The following ZNF704 variants were observed in gnomAD, a reference collection of about 807,000 sequenced individuals.
The protein encoded by ZNF704 is zinc finger protein 704, also known as glucocorticoid induced gene 1.
ZNF704 carries 10 observed loss-of-function variants against 44.7 expected under a neutral mutation model. The observed-to-expected ratio is 0.22, with a 90% CI of 0.14 to 0.38. ZNF704 has a LOEUF of 0.38. ZNF704 is among the 10% of genes least tolerant of loss of function. The probability of loss-of-function intolerance (pLI) is 1.00; values close to 1 mark genes in which losing one functional copy is unlikely to be tolerated. For missense variants in ZNF704, 390 were observed against 545.5 expected, an observed-to-expected ratio of 0.71 and a Z score of 2.84; for synonymous variants, 211 against 207.6, an observed-to-expected ratio of 1.02 and a Z score of -0.14.
chr8:80,713,712 C>T (rs1351361273), intron 2 of ZNF704, among the ~76,000 whole-genome samples: 1 of 152,144 alleles, frequency 6.6e-6, no homozygotes, highest in African/African-American at 2.4e-5. Context: ...AGGGGAATCC[C>T]CTTAATCTAC....
chr8:80,677,884 G>T (rs1457184577), intron 4 of ZNF704, among the ~76,000 whole-genome samples: 3 of 152,196 alleles, frequency 2.0e-5, no homozygotes, highest in African/African-American at 7.2e-5. Flanking sequence ...TTGTCAAAAA[G>T]ATTTGTTCTG....
intron 2 of ZNF704, among the ~76,000 whole-genome samples, chr8:80,791,318 T>G (rs1338124063): frequency 6.6e-6 from 1 of 152,206 alleles, no homozygotes; most frequent in Non-Finnish European, 1.5e-5. Context: ...AGTGATAGTG[T>G]ATCACTAGCC....
chr8:80,647,922 C>A (rs1817858511), intron 7 of ZNF704, among the ~76,000 whole-genome samples: 1 of 152,128 alleles, frequency 6.6e-6, no homozygotes, highest in African/African-American at 2.4e-5. Flanking sequence ...GTACCTGAGA[C>A]TGGATGATTT....
At chr8:80,845,506 T>TACATGTCA (rs1204190333) in intron 1 of ZNF704, among the ~76,000 whole-genome samples, 1 of 152,348 alleles carries the variant, frequency 6.6e-6, no homozygotes, top group African/African-American at 2.4e-5. Context: ...AGAAATACTC[T>TACATGTCA]ACATGTCAAC....
At chr8:80,690,011 T>G (rs1351672253) in intron 3 of ZNF704, among the ~76,000 whole-genome samples, 1 of 151,964 alleles carries the variant, frequency 6.6e-6, no homozygotes, top group Non-Finnish European at 1.5e-5. Context: ...CACAACAGTT[T>G]CCAAAAACTC....
At chr8:80,787,499 CTGCATTTTAAACA>C (rs1000571206) in intron 2 of ZNF704, among the ~76,000 whole-genome samples, 4 of 152,276 alleles carry the variant, frequency 2.6e-5, no homozygotes, top group Admixed American at 2.0e-4. Flanking sequence ...TGGAGGGTAA[CTGCATTTTAAACA>C]TGCACCTATA....
At chr8:80,773,681 G>A (rs1323482524) in intron 2 of ZNF704, among the ~76,000 whole-genome samples, 1 of 152,104 alleles carries the variant, frequency 6.6e-6, no homozygotes, top group Non-Finnish European at 1.5e-5. Flanking sequence ...ATTACTGAAG[G>A]ATATTTTCTC....
At chr8:80,698,742 C>G (rs1305213643) in intron 2 of ZNF704, among the ~76,000 whole-genome samples, 1 of 152,198 alleles carries the variant, frequency 6.6e-6, no homozygotes, top group South Asian at 2.1e-4. Flanking sequence ...CAGCGCAGTG[C>G]GCAGCATCAG....
At chr8:80,789,554 C>T (rs1441985004) in intron 2 of ZNF704, among the ~76,000 whole-genome samples, 1 of 152,056 alleles carries the variant, frequency 6.6e-6, no homozygotes, top group Non-Finnish European at 1.5e-5. Flanking sequence ...TTGAGACTAG[C>T]CTGAGCAACA....
upstream of ZNF704, among the ~76,000 whole-genome samples, chr8:80,878,410 C>G (rs1217396388): frequency 6.6e-6 from 1 of 151,954 alleles, no homozygotes; most frequent in Non-Finnish European, 1.5e-5. Context: ...GTAACCATAG[C>G]CAGAACAAAA....
chr8:80,670,361 GC>G (rs775547292), intron 5 of ZNF704, 141 bp downstream of exon 5: 7 of 600,150 alleles, frequency 1.2e-5, no homozygotes, highest in Non-Finnish European at 2.1e-5. Context: ...ATCTGCAGTG[GC>G]CATCTCTCTA....
At chr8:80,837,812 C>T (rs1808607045) in intron 1 of ZNF704, among the ~76,000 whole-genome samples, 1 of 152,186 alleles carries the variant, frequency 6.6e-6, no homozygotes, top group Non-Finnish European at 1.5e-5. Flanking sequence ...TACTGATGGT[C>T]TGCCCATTCT....
intron 2 of ZNF704, among the ~76,000 whole-genome samples, chr8:80,779,056 T>C (rs1175822885): frequency 6.6e-6 from 1 of 152,114 alleles, no homozygotes; most frequent in Non-Finnish European, 1.5e-5. Context: ...TATGTATCTC[T>C]AACATCTTTC....
intron 2 of ZNF704, among the ~76,000 whole-genome samples, chr8:80,704,594 C>G (rs1818867538): frequency 6.6e-6 from 1 of 152,174 alleles, no homozygotes; most frequent in African/African-American, 2.4e-5. Context: ...ACCCCAACCT[C>G]TGGGGGTGGT....
chr8:80,828,888 G>T (rs1052516879), intron 1 of ZNF704, among the ~76,000 whole-genome samples: 9 of 152,176 alleles, frequency 5.9e-5, no homozygotes, highest in Non-Finnish European at 1.0e-4. Flanking sequence ...CACTTGGCTG[G>T]CATGGATCTT....
intron 2 of ZNF704, among the ~76,000 whole-genome samples, chr8:80,714,497 G>T (rs1819041362): frequency 6.6e-6 from 1 of 152,066 alleles, no homozygotes; most frequent in Admixed American, 6.5e-5. Context: ...CCAAGGCTCT[G>T]AGGTGGTATT....
chr8:80,770,208 T>A (rs530294755), intron 2 of ZNF704, among the ~76,000 whole-genome samples: 1 of 152,164 alleles, frequency 6.6e-6, no homozygotes. Flanking sequence ...AGTAACCTCT[T>A]GTAAAACCAC....
intron 2 of ZNF704, among the ~76,000 whole-genome samples, chr8:80,769,271 T>C (rs1807279426): frequency 6.6e-6 from 1 of 152,216 alleles, no homozygotes; most frequent in South Asian, 2.1e-4. Flanking sequence ...AAACTTTTTA[T>C]TTTGAGATAA....
intron 1 of ZNF704, among the ~76,000 whole-genome samples, chr8:80,868,482 G>A (rs1809195083): frequency 6.6e-6 from 1 of 152,198 alleles, no homozygotes; most frequent in Non-Finnish European, 1.5e-5. Context: ...TGCCAGTTCA[G>A]TGATTAAAGG....
Sources: allele counts gnomAD v4.1 joint callset (sites outside exome capture counted in the v4.1 genomes callset), GRCh38; gene constraint gnomAD v4.1.1; transcripts MANE v1.5; gene names NCBI Gene and HGNC (gene_info 2026-07-23, HGNC 2026-07-21).